Variants in PDE1C observed in about 807,000 individuals in gnomAD.
PDE1C encodes the protein dual specificity calcium/calmodulin-dependent 3',5'-cyclic nucleotide phosphodiesterase 1C.
In PDE1C, 62 loss-of-function variants were observed where a neutral mutation model predicts 93.1. That is an observed-to-expected ratio of 0.67 (90% CI 0.54 to 0.82). The LOEUF is 0.82. PDE1C is among the 40% of genes least tolerant of loss of function. The probability of loss-of-function intolerance (pLI) is 0.00; values close to 1 mark genes in which losing one functional copy is unlikely to be tolerated. For missense variants in PDE1C, 742 were observed against 884.6 expected (o/e 0.84, Z 2.04); for synonymous variants, 325 against 310.1 (o/e 1.05, Z -0.50).
chr7:31,754,019 T>C (rs1794282856), intron 17 of PDE1C, among the ~76,000 whole-genome samples: 1 of 152,092 alleles, frequency 6.6e-6, no homozygotes, highest in Non-Finnish European at 1.5e-5. Flanking sequence ...ATAAAGATCT[T>C]GTATTCAAAA....
intron 2 of PDE1C, among the ~76,000 whole-genome samples, chr7:32,018,731 A>G (rs1788249461): frequency 6.6e-6 from 1 of 152,168 alleles, no homozygotes; most frequent in Admixed American, 6.5e-5. Context: ...TGATAAAAAT[A>G]TTTTAAACTT....
chr7:31,672,940 G>C, the PDE1C span, among the ~76,000 whole-genome samples: 7 of 152,168 alleles, frequency 4.6e-5, no homozygotes, highest in Admixed American at 3.9e-4. Context: ...ATATCTGGTT[G>C]TTTGATAAGT....
intron 16 of PDE1C, among the ~76,000 whole-genome samples, chr7:31,804,952 T>C (rs191690733): frequency 1.0e-3 from 158 of 151,858 alleles, no homozygotes; most frequent in African/African-American, 3.4e-3. Flanking sequence ...TCTTGAATCA[T>C]AGATCCCATA....
the PDE1C span, among the ~76,000 whole-genome samples, chr7:31,630,943 T>G: frequency 6.6e-6 from 1 of 151,942 alleles, no homozygotes; most frequent in African/African-American, 2.4e-5. Flanking sequence ...GGATGAGAGG[T>G]AGAAACAGTC....
At chr7:31,823,958 G>A (rs1012394279) in intron 13 of PDE1C, among the ~76,000 whole-genome samples, 17 of 152,104 alleles carry the variant, frequency 1.1e-4, no homozygotes, top group African/African-American at 3.9e-4. Context: ...TTCAGTCACT[G>A]CCTGAAGAGC....
intron 1 of PDE1C, among the ~76,000 whole-genome samples, chr7:32,062,405 G>A (rs1220323880): frequency 1.3e-5 from 2 of 152,144 alleles, no homozygotes; most frequent in Non-Finnish European, 2.9e-5. Flanking sequence ...TCCAGTCTGC[G>A]CTGCAGCCAC....
chr7:32,395,249 C>A (rs1784820871), intron 1 of PDE1C, among the ~76,000 whole-genome samples: 2 of 152,160 alleles, frequency 1.3e-5, no homozygotes, highest in Admixed American at 1.3e-4. Context: ...ACATACCTCA[C>A]AATGTCATAA....
chr7:32,043,001 C>T (rs1472993229), intron 2 of PDE1C, among the ~76,000 whole-genome samples: 1 of 152,174 alleles, frequency 6.6e-6, no homozygotes, highest in Non-Finnish European at 1.5e-5. Context: ...AAACACGATT[C>T]TTAATCTTAC....
At chr7:32,255,166 C>T (rs954019784) in intron 1 of PDE1C, among the ~76,000 whole-genome samples, 6 of 152,250 alleles carry the variant, frequency 3.9e-5, no homozygotes, top group South Asian at 2.1e-4. Flanking sequence ...GGGTGGCTGA[C>T]GTCACTTTGC....
chr7:31,743,963 G>T, the PDE1C span, among the ~76,000 whole-genome samples: 4 of 152,142 alleles, frequency 2.6e-5, no homozygotes, highest in African/African-American at 9.7e-5. Context: ...GGAAGAGGCT[G>T]CCCCCAGATG....
intron 2 of PDE1C, among the ~76,000 whole-genome samples, chr7:32,181,324 C>T (rs892478260): frequency 2.0e-5 from 3 of 152,276 alleles, no homozygotes; most frequent in African/African-American, 7.2e-5. Flanking sequence ...GAACTCTCCA[C>T]CCCAAATCAA....
At chr7:31,801,998 T>C (rs1584159142) in intron 16 of PDE1C, among the ~76,000 whole-genome samples, 1 of 151,678 alleles carries the variant, frequency 6.6e-6, no homozygotes, top group South Asian at 2.1e-4. Context: ...AAAGGCATAA[T>C]ATATTTGAAT....
At chr7:31,649,466 T>C in the PDE1C span, among the ~76,000 whole-genome samples, 1 of 152,174 alleles carries the variant, frequency 6.6e-6, no homozygotes, top group Non-Finnish European at 1.5e-5. Context: ...TGTTCCCAGC[T>C]CACTGGCCAT....
At chr7:31,954,571 C>T (rs1807862770) in intron 2 of PDE1C, among the ~76,000 whole-genome samples, 1 of 152,088 alleles carries the variant, frequency 6.6e-6, no homozygotes, top group Non-Finnish European at 1.5e-5. Context: ...CTGATCTATT[C>T]CTGGATTTTA....
chr7:31,957,555 G>A (rs1454521261), intron 2 of PDE1C, among the ~76,000 whole-genome samples: 1 of 152,090 alleles, frequency 6.6e-6, no homozygotes, highest in Non-Finnish European at 1.5e-5. Flanking sequence ...GTCATCACTG[G>A]CAAACTTAGT....
intron 2 of PDE1C, among the ~76,000 whole-genome samples, chr7:31,979,164 C>T (rs1441574249): frequency 6.6e-6 from 1 of 152,120 alleles, no homozygotes; most frequent in Non-Finnish European, 1.5e-5. Context: ...CATTATGTGC[C>T]TCCCATATCA....
At chr7:31,824,295 G>A (rs996148852) in intron 13 of PDE1C, among the ~76,000 whole-genome samples, 6 of 152,096 alleles carry the variant, frequency 3.9e-5, no homozygotes, top group Admixed American at 2.6e-4. Context: ...AACTTATTTC[G>A]TCTTCCCAGT....
intron 16 of PDE1C, among the ~76,000 whole-genome samples, chr7:31,799,581 C>T (rs1032781598): frequency 7.9e-5 from 12 of 151,442 alleles, no homozygotes; most frequent in Admixed American, 6.6e-4. Context: ...AAGAAAAAAA[C>T]AGAAAAAACA....
intron 11 of PDE1C, among the ~76,000 whole-genome samples, chr7:31,835,046 T>C (rs932381140): frequency 3.3e-5 from 5 of 151,984 alleles, no homozygotes; most frequent in East Asian, 1.9e-4. Context: ...AATGGAAAAA[T>C]CCCTTTCACT....
Sources: gnomAD v4.1 joint callset for allele counts (sites outside exome capture counted in the v4.1 genomes callset) on GRCh38, gnomAD v4.1.1 for gene constraint, MANE v1.5 for transcripts, NCBI Gene and HGNC (gene_info 2026-07-23, HGNC 2026-07-21) for gene names.